Variants in PPFIA2 observed in about 807,000 individuals in gnomAD.
PPFIA2 encodes PPFI scaffold protein A2, also known as liprin-alpha-2.
A neutral mutation model predicts 175.5 loss-of-function variants in PPFIA2; 46 were observed. That is an observed-to-expected ratio of 0.26 (90% confidence interval 0.21 to 0.34). The LOEUF (loss-of-function observed/expected upper bound fraction) is 0.34, where lower values mean the gene tolerates loss of function less well. Among genes scored for constraint, PPFIA2 ranks in the 10% least tolerant of loss-of-function variants. The probability of loss-of-function intolerance (pLI) is 1.00; values close to 1 mark genes in which losing one functional copy is unlikely to be tolerated. For synonymous variants in PPFIA2, 568 were observed against 511.4 expected (o/e 1.11, Z -1.49); for missense variants, 1,179 against 1,506.1 (o/e 0.78, Z 3.60).
At chr12:81,289,037 G>C (rs1392983075) in intron 24 of PPFIA2, among the ~76,000 whole-genome samples, 1 of 151,818 alleles carries the variant, frequency 6.6e-6, no homozygotes, top group East Asian at 1.9e-4. Flanking sequence ...CCACATAGGA[G>C]TATGACCTTA....
chr12:81,524,746 T>C (rs1042762875), intron 4 of PPFIA2, among the ~76,000 whole-genome samples: 12 of 152,192 alleles, frequency 7.9e-5, no homozygotes, highest in Admixed American at 2.6e-4. Flanking sequence ...GAGAAGGACA[T>C]GCCTTTTTGG....
chr12:81,654,956 T>A (rs2067549806), intron 4 of PPFIA2, among the ~76,000 whole-genome samples: 1 of 152,102 alleles, frequency 6.6e-6, no homozygotes, highest in African/African-American at 2.4e-5. Flanking sequence ...GTTTTCTTTG[T>A]GAGAGGAGAT....
chr12:81,356,249 A>G (rs186104931), intron 16 of PPFIA2, among the ~76,000 whole-genome samples: 2 of 152,290 alleles, frequency 1.3e-5, no homozygotes. Context: ...ATATAGATTA[A>G]CTTCACTATC....
intron 16 of PPFIA2, among the ~76,000 whole-genome samples, chr12:81,355,617 A>T (rs1252114150): frequency 6.6e-6 from 1 of 152,212 alleles, no homozygotes; most frequent in Non-Finnish European, 1.5e-5. Context: ...TATCGTAGCT[A>T]GATCTTCTGA....
chr12:81,451,622 A>C (rs538190832), intron 5 of PPFIA2, among the ~76,000 whole-genome samples: 4 of 152,338 alleles, frequency 2.6e-5, no homozygotes, highest in African/African-American at 9.6e-5. Flanking sequence ...TCTCATCTAC[A>C]TGATAATAAA....
intron 22 of PPFIA2, among the ~76,000 whole-genome samples, chr12:81,320,537 T>C (rs987719168): frequency 6.6e-6 from 1 of 152,054 alleles, no homozygotes; most frequent in Non-Finnish European, 1.5e-5. Flanking sequence ...TTATCTTTAT[T>C]GTAACTAAAG....
At chr12:81,696,143 A>G (rs941737930) in intron 3 of PPFIA2, among the ~76,000 whole-genome samples, 2 of 152,276 alleles carry the variant, frequency 1.3e-5, no homozygotes, top group Non-Finnish European at 2.9e-5. Context: ...AATTTCCCAC[A>G]TATAAAACTT....
At chr12:81,361,985 GTATC>G (rs969634722) in intron 15 of PPFIA2, among the ~76,000 whole-genome samples, 21 of 145,072 alleles carry the variant, frequency 1.4e-4, no homozygotes, top group East Asian at 4.1e-4. Flanking sequence ...ATCTATCTAT[GTATC>G]TATCTATGTA....
chr12:81,275,549 T>C (rs1265200972), intron 28 of PPFIA2, among the ~76,000 whole-genome samples: 1 of 152,112 alleles, frequency 6.6e-6, no homozygotes, highest in East Asian at 1.9e-4. Context: ...GAGAATGTAA[T>C]ATATACTACT....
intron 14 of PPFIA2, 32 bp from the exon 15 acceptor site, chr12:81,362,816 C>T (rs1281435897): frequency 7.8e-7 from 1 of 1,276,906 alleles, no homozygotes; most frequent in Non-Finnish European, 1.1e-6. Flanking sequence ...ACTCAGATGC[C>T]AGTAATATCA....
chr12:81,477,179 G>A (rs1395277572), intron 4 of PPFIA2, among the ~76,000 whole-genome samples: 1 of 151,398 alleles, frequency 6.6e-6, no homozygotes, highest in Non-Finnish European at 1.5e-5. Context: ...TGTAACAAAC[G>A]TGCACATACT....
chr12:81,441,424 A>G (rs996053034), intron 6 of PPFIA2, among the ~76,000 whole-genome samples: 4 of 152,078 alleles, frequency 2.6e-5, no homozygotes, highest in Non-Finnish European at 1.5e-5. Context: ...AAAAACAATA[A>G]TACACACATA....
chr12:81,437,871 T>C (rs1173142590), intron 7 of PPFIA2, among the ~76,000 whole-genome samples: 1 of 151,954 alleles, frequency 6.6e-6, no homozygotes, highest in African/African-American at 2.4e-5. Flanking sequence ...TCCTTCTCAT[T>C]ACCTATTATT....
chr12:81,564,060 A>G (rs1406087713), intron 4 of PPFIA2, among the ~76,000 whole-genome samples: 1 of 152,192 alleles, frequency 6.6e-6, no homozygotes, highest in African/African-American at 2.4e-5. Flanking sequence ...ATTGGCTTCT[A>G]AAGATTTTTG....
intron 4 of PPFIA2, among the ~76,000 whole-genome samples, chr12:81,648,655 T>C (rs1174304643): frequency 6.6e-6 from 1 of 151,838 alleles, no homozygotes; most frequent in Admixed American, 6.6e-5. Context: ...GACAAGCTGA[T>C]TCTAAAATTT....
At chr12:81,483,144 T>C (rs1391754164) in intron 4 of PPFIA2, among the ~76,000 whole-genome samples, 1 of 152,134 alleles carries the variant, frequency 6.6e-6, no homozygotes, top group Non-Finnish European at 1.5e-5. Flanking sequence ...CTTTGAAAAA[T>C]AGCGTAGAAT....
At chr12:81,643,739 T>C (rs2065674944) in intron 4 of PPFIA2, among the ~76,000 whole-genome samples, 1 of 152,076 alleles carries the variant, frequency 6.6e-6, no homozygotes, top group African/African-American at 2.4e-5. Context: ...TAAAACAATA[T>C]ATAATTTCAT....
At chr12:81,609,878 T>C (rs912549415) in intron 4 of PPFIA2, among the ~76,000 whole-genome samples, 5 of 152,180 alleles carry the variant, frequency 3.3e-5, no homozygotes, top group Admixed American at 6.5e-5. Context: ...CTGAGGGCTA[T>C]GCACTTAAAT....
intron 14 of PPFIA2, among the ~76,000 whole-genome samples, chr12:81,366,019 TTCCTTCCTTCCTTCCC>T (rs2033239426): frequency 9.7e-6 from 1 of 103,356 alleles, no homozygotes; most frequent in Non-Finnish European, 1.9e-5. Context: ...CCTTCCTTCC[TTCCTTCCTTCCTTCCC>T]TCCCTCCCTC....
Sources: gnomAD v4.1 joint callset for allele counts (sites outside exome capture counted in the v4.1 genomes callset) on GRCh38, gnomAD v4.1.1 for gene constraint, MANE v1.5 for transcripts, NCBI Gene and HGNC (gene_info 2026-07-23, HGNC 2026-07-21) for gene names.